MLLT3: variants seen among roughly 807,000 people sequenced by gnomAD.
The protein encoded by MLLT3 is MLLT3 super elongation complex subunit, also known as protein AF-9.
MLLT3 carries 4 observed loss-of-function variants against 53.2 expected under a neutral mutation model. The observed-to-expected ratio is 0.08, with a 90% CI of 0.04 to 0.17. MLLT3 has a LOEUF of 0.17. MLLT3 is among the 10% of genes least tolerant of loss of function. MLLT3 has a pLI of 1.00. For missense variants in MLLT3, 569 were observed against 684.0 expected (o/e 0.83, Z 1.87); for synonymous variants, 283 against 230.6 (o/e 1.23, Z -2.06).
chr9:20,428,611 G>C lies in MLLT3; in HGVS notation c.421-14186C>G, dbSNP rs145065073. 3.1e-3 allele frequency among the ~76,000 whole-genome samples: 469 copies of C among 152,096 alleles called. 1 individual carries two copies. The highest frequency in any genetic ancestry group is 0.011 in the African/African-American group (438 of 41,534). On this transcript the variant is annotated intron_variant, in intron 4 of 10. Transcript: ENST00000380338. ...CTCGTCTGTGAAGAAAATGATGGATGATAAATGCACAGAAGAATAATAAAC... is the reference window on the plus strand; with the variant it reads ...CTCGTCTGTGAAGAAAATGATGGATCATAAATGCACAGAAGAATAATAAAC...
chr9:20,565,171 T>C (rs957347895), intron 2 of MLLT3, among the ~76,000 whole-genome samples: 6 of 151,934 alleles, frequency 3.9e-5, no homozygotes, highest in South Asian at 2.1e-4. Flanking sequence ...CTCCCACCAA[T>C]TGGAGGAATA....
intron 2 of MLLT3, among the ~76,000 whole-genome samples, chr9:20,518,083 TA>T (rs1817960709): frequency 1.3e-5 from 2 of 152,320 alleles, no homozygotes; most frequent in South Asian, 4.1e-4. Context: ...CTCACGCCTA[TA>T]ATCCTAGCAC....
intron 5 of MLLT3, among the ~76,000 whole-genome samples, chr9:20,386,912 T>C (rs1262450092): frequency 6.6e-6 from 1 of 152,244 alleles, no homozygotes; most frequent in African/African-American, 2.4e-5. Flanking sequence ...TCTAATTGTC[T>C]TAATGTATTA....
chr9:20,476,427 T>G (rs1445428440), intron 2 of MLLT3, among the ~76,000 whole-genome samples: 1 of 152,162 alleles, frequency 6.6e-6, no homozygotes, highest in African/African-American at 2.4e-5. Flanking sequence ...GATTTCAGCA[T>G]GCCTTATCCA....
chr9:20,569,705 G>A (rs1445096992), intron 2 of MLLT3, among the ~76,000 whole-genome samples: 3 of 152,150 alleles, frequency 2.0e-5, no homozygotes, highest in East Asian at 1.9e-4. Context: ...TTGGAGTGAA[G>A]AGACCATTCC....
intron 2 of MLLT3, among the ~76,000 whole-genome samples, chr9:20,525,868 T>C (rs746723803): frequency 6.6e-6 from 1 of 152,212 alleles, no homozygotes; most frequent in East Asian, 1.9e-4. Flanking sequence ...TAAATTTACA[T>C]GTTGTGACAT....
At chr9:20,414,562 C>A (rs1822826034) in intron 4 of MLLT3, 137 bp from the exon 5 acceptor site, 2 of 1,246,400 alleles carry the variant, frequency 1.6e-6, no homozygotes, top group Non-Finnish European at 2.2e-6. Context: ...TAATATAAAC[C>A]AAAAACCACA....
intron 2 of MLLT3, among the ~76,000 whole-genome samples, chr9:20,529,233 A>G (rs1818270569): frequency 6.6e-6 from 1 of 152,228 alleles, no homozygotes; most frequent in Non-Finnish European, 1.5e-5. Context: ...AAAAACCACT[A>G]GCCCAACAGA....
intron 2 of MLLT3, among the ~76,000 whole-genome samples, chr9:20,498,664 T>A (rs1303682545): frequency 6.6e-6 from 1 of 152,202 alleles, no homozygotes; most frequent in Admixed American, 6.5e-5. Flanking sequence ...GCTCATCAGC[T>A]ATCAGTAGTG....
Position 20,354,843 on chromosome 9 carries a change from A to G in MLLT3, c.1468T>C (p.Ser490Pro). ...EVKSPIKQSK[S>P]DKQIKNGECD... ...TCACCATTCTTTATTTGCTTATCTG[A>G]TTTGCTTTGCTTTATTGGACTTTTC... Residue 490 changes from serine to proline, a missense_variant, in exon 9 of 11, where the codon TCA (serine) becomes CCA (proline). Physicochemically the swap from Ser to Pro is moderately conservative, Grantham distance 74. This residue lies in a region of MLLT3 where 437 missense variants were observed against 376.5 expected (regional missense o/e 1.16). Coordinates refer to ENST00000380338, the MANE Select transcript of MLLT3 (RefSeq NM_004529.4). 1 of 1,612,998 alleles carries G rather than the reference A, an allele frequency of 6.2e-7. No homozygotes were observed. The highest frequency in any genetic ancestry group is 8.5e-7 in the Non-Finnish European group (1 of 1,179,188).
chr9:20,352,710 TAA>T (rs59397349), intron 10 of MLLT3, among the ~76,000 whole-genome samples: 1,987 of 116,716 alleles, frequency 0.017, 55 homozygotes, highest in African/African-American at 0.058. Flanking sequence ...CATTAAATGT[TAA>T]AAAAAAAAAA....
chr9:20,491,532 T>C (rs755813101), intron 2 of MLLT3, among the ~76,000 whole-genome samples: 6 of 152,134 alleles, frequency 3.9e-5, no homozygotes, highest in Non-Finnish European at 7.4e-5. Context: ...GTCAATCACA[T>C]GCAATGGCTA....
chr9:20,560,288 G>A (rs1819169495), intron 2 of MLLT3, among the ~76,000 whole-genome samples: 2 of 152,166 alleles, frequency 1.3e-5, no homozygotes, highest in Non-Finnish European at 2.9e-5. Context: ...CAGAAGGTAT[G>A]TAGTCATTTT....
intron 2 of MLLT3, among the ~76,000 whole-genome samples, chr9:20,572,455 A>T (rs1307600960): frequency 6.6e-6 from 1 of 152,216 alleles, no homozygotes. Context: ...AAAATATCAC[A>T]TTATACTCCA....
intron 2 of MLLT3, among the ~76,000 whole-genome samples, chr9:20,604,140 TTAAATC>T (rs925557340): frequency 6.6e-6 from 1 of 152,052 alleles, no homozygotes; most frequent in Admixed American, 6.6e-5. Context: ...TCCCTGCCCT[TTAAATC>T]TATAGCAATA....
intron 2 of MLLT3, among the ~76,000 whole-genome samples, chr9:20,557,545 T>C (rs1819093920): frequency 6.6e-6 from 1 of 152,172 alleles, no homozygotes; most frequent in Non-Finnish European, 1.5e-5. Flanking sequence ...TGGTCCAGAT[T>C]TTTACTGTGT....
At chr9:20,616,392 T>C (rs79053371) in intron 2 of MLLT3, among the ~76,000 whole-genome samples, 338 of 152,280 alleles carry the variant, frequency 2.2e-3, no homozygotes, top group African/African-American at 7.6e-3. Flanking sequence ...CTAATCCCTA[T>C]TTTTAAAACA....
chr9:20,540,574 G>A (rs746580359), intron 2 of MLLT3, among the ~76,000 whole-genome samples: 13 of 152,246 alleles, frequency 8.5e-5, no homozygotes, highest in African/African-American at 1.4e-4. Flanking sequence ...GAGCTGAAGT[G>A]GGTGGGGCTG....
At chr9:20,610,204 T>C (rs1198304105) in intron 2 of MLLT3, among the ~76,000 whole-genome samples, 1 of 152,168 alleles carries the variant, frequency 6.6e-6, no homozygotes, top group East Asian at 1.9e-4. Flanking sequence ...AGACTCTTAT[T>C]TTTAAAGCTA....
Sources: allele counts gnomAD v4.1 joint callset (sites outside exome capture counted in the v4.1 genomes callset), GRCh38; gene constraint gnomAD v4.1.1; regional missense constraint gnomAD v4.1.1; transcripts MANE v1.5; gene names NCBI Gene and HGNC (gene_info 2026-07-23, HGNC 2026-07-21).